Variants in SLC5A4 observed in about 807,000 individuals in gnomAD.
The protein encoded by SLC5A4 is probable glucose sensor protein SLC5A4.
SLC5A4 carries 55 observed loss-of-function variants against 70.3 expected under a neutral mutation model. The ratio of observed to expected loss-of-function variants is 0.78; its 90% CI spans 0.63 to 0.98. SLC5A4 has a LOEUF of 0.98. Among genes scored for constraint, SLC5A4 ranks in the 50% least tolerant of loss-of-function variants. The pLI, the probability that SLC5A4 is intolerant of heterozygous loss-of-function variation, is 0.00. For missense variants in SLC5A4, 735 were observed against 839.2 expected (o/e 0.88, Z 1.53); for synonymous variants, 268 against 305.7 (o/e 0.88, Z 1.29).
the SLC5A4 span, among the ~76,000 whole-genome samples, chr22:32,316,934 CTGTGTGTGTG>C: frequency 2.2e-3 from 324 of 148,730 alleles, 3 homozygotes; most frequent in South Asian, 0.012. Context: ...ATTAACAACT[CTGTGTGTGTG>C]TGTGTGTGTG....
At chr22:32,339,712 C>A in the SLC5A4 span, among the ~76,000 whole-genome samples, 1 of 152,198 alleles carries the variant, frequency 6.6e-6, no homozygotes, top group Admixed American at 6.5e-5. Flanking sequence ...AAAAGACAAA[C>A]CCCGAGAGCA....
the SLC5A4 span, chr22:32,271,970 G>C: frequency 3.3e-6 from 2 of 602,872 alleles, no homozygotes; most frequent in African/African-American, 3.6e-5. Flanking sequence ...AGGCATTTGA[G>C]ACCATTGAGA....
chr22:32,335,740 G>A, the SLC5A4 span, among the ~76,000 whole-genome samples: 1 of 152,200 alleles, frequency 6.6e-6, no homozygotes, highest in Non-Finnish European at 1.5e-5. Context: ...GTAGGTCCCA[G>A]CACACAGGGT....
rs373261572 is a variant in SLC5A4, at chr22:32,241,775, A to ATGTG, written c.478-2689_478-2686dup. ...GAGCAAACAAATTTTACATATATAT[A>ATGTG]TGTGTGTGTGTGTGTGTGTGTGTGT... On this transcript the variant is annotated intron_variant, in intron 5 of 14. Coordinates refer to ENST00000266086, the MANE Select transcript of SLC5A4 (RefSeq NM_014227.3). Among the ~76,000 whole-genome samples the ATGTG allele has an allele frequency of 1.6e-3, 221 of 139,180 alleles. 1 individual carries two copies. Among genetic ancestry groups the ATGTG allele is most frequent in the African/African-American group, 4.7e-3 (162 of 34,642 alleles). The allele number at this position is 139,180 out of a possible 152,430, so 91.3% of individuals were successfully genotyped here. A position where few individuals can be genotyped will look rare whatever the true frequency, so the allele number is the denominator to read the frequency against.
chr22:32,261,035 T>G, the SLC5A4 span, among the ~76,000 whole-genome samples: 2 of 151,496 alleles, frequency 1.3e-5, no homozygotes, highest in Admixed American at 1.3e-4. Context: ...ATCGTGCCAT[T>G]GCACTCCAGC....
At chr22:32,271,923 C>T in the SLC5A4 span, 1 of 577,696 alleles carries the variant, frequency 1.7e-6, no homozygotes, top group Non-Finnish European at 3.3e-6. Flanking sequence ...AGCACCAACA[C>T]ACTGTGCACC....
chr22:32,350,222 A>T, the SLC5A4 span, among the ~76,000 whole-genome samples: 3 of 152,218 alleles, frequency 2.0e-5, no homozygotes, highest in Admixed American at 6.5e-5. Context: ...TACCGAAATA[A>T]TTCAGTCAAC....
chr22:32,318,520 C>T, the SLC5A4 span, among the ~76,000 whole-genome samples: 1 of 152,148 alleles, frequency 6.6e-6, no homozygotes, highest in East Asian at 1.9e-4. Flanking sequence ...ATCTTTGACC[C>T]CTCTTTTCCT....
the SLC5A4 span, among the ~76,000 whole-genome samples, chr22:32,295,392 G>C: frequency 9.1e-6 from 1 of 110,228 alleles, no homozygotes; most frequent in Non-Finnish European, 2.0e-5. Flanking sequence ...TTGTGGTTTT[G>C]ATTTGCATTT....
At chr22:32,239,172 AC>A in intron 5 of SLC5A4, 82 bp from the exon 6 acceptor site, 1 of 977,320 alleles carries the variant, frequency 1.0e-6, no homozygotes, top group East Asian at 2.5e-5. Context: ...ACTCTACTCA[AC>A]CCTTCTTTTT....
intron 2 of SLC5A4, among the ~76,000 whole-genome samples, chr22:32,253,442 G>C (rs1927289194): frequency 6.6e-6 from 1 of 152,210 alleles, no homozygotes. Flanking sequence ...GATGAGAAAG[G>C]GCTGAGGTGA....
In SLC5A4 at chr22:32,218,689, G is replaced by C; in HGVS notation, c.1805C>G (p.Ala602Gly). Reference sequence around the variant, plus strand: ...CTGCAAACCGCAGAACAAGTCATAAGCTTTCTTGAGGCATCCACGTGATTT... The same window carrying C: ...CTGCAAACCGCAGAACAAGTCATAACCTTTCTTGAGGCATCCACGTGATTT... ...PEKSRGCLKKAYDLFCGLQKG... is the reference protein window; with the variant it reads ...PEKSRGCLKKGYDLFCGLQKG... Residue 602 changes from alanine to glycine, a missense_variant, in exon 15 of 15, where the codon GCT becomes GGT. Physicochemically the swap from Ala to Gly is moderately conservative, Grantham distance 60. Coordinates refer to ENST00000266086, the MANE Select transcript of SLC5A4 (RefSeq NM_014227.3). 4 of 1,613,980 alleles carry C rather than the reference G, an allele frequency of 2.5e-6. No individual in the cohort carries two copies. Among genetic ancestry groups the C allele is most frequent in the Non-Finnish European group, 3.4e-6 (4 of 1,180,002 alleles).
the SLC5A4 span, among the ~76,000 whole-genome samples, chr22:32,353,990 A>T: frequency 6.7e-6 from 1 of 149,392 alleles, no homozygotes; most frequent in Non-Finnish European, 1.5e-5. Context: ...GTACAGCCAC[A>T]GATAGCGCAC....
chr22:32,235,071 A>G lies in SLC5A4; in HGVS notation c.687T>C (p.Tyr229=), dbSNP rs1172686544. ...TCACGTACTTCTCGGTAAAGCTCTC[A>G]TAACCTCCAACTTCGTTAAATGCTA... ...MGFAFNEVGG[Y]ESFTEKYVNA... is the part of the protein sequence containing the mutation. The change falls in exon 8 of 15, where the codon TAT becomes TAC. Residue 229 remains tyrosine (Y), a synonymous_variant. Transcript: ENST00000266086. 2 of 1,613,490 alleles carry G rather than the reference A, an allele frequency of 1.2e-6. No homozygotes were observed. The highest frequency in any genetic ancestry group is 1.7e-6 in the Non-Finnish European group (2 of 1,179,700).
the SLC5A4 span, among the ~76,000 whole-genome samples, chr22:32,321,879 C>T: frequency 0.021 from 3,162 of 152,264 alleles, 46 homozygotes; most frequent in Middle Eastern, 0.034. Flanking sequence ...GGTGCAAGAG[C>T]GCCTATGGCA....
chr22:32,314,812 G>A, the SLC5A4 span, among the ~76,000 whole-genome samples: 1 of 151,818 alleles, frequency 6.6e-6, no homozygotes, highest in African/African-American at 2.4e-5. Context: ...ATGGTGGCAG[G>A]CAAAGGGACA....
the SLC5A4 span, among the ~76,000 whole-genome samples, chr22:32,331,808 G>A: frequency 7.9e-5 from 12 of 151,976 alleles, no homozygotes; most frequent in East Asian, 5.8e-4. Flanking sequence ...TGATCCTCTC[G>A]CGGCTTCCAG....
the SLC5A4 span, among the ~76,000 whole-genome samples, chr22:32,275,355 C>T: frequency 6.6e-6 from 1 of 152,132 alleles, no homozygotes; most frequent in Non-Finnish European, 1.5e-5. Flanking sequence ...GGTATATCTC[C>T]TAATGCTATC....
At chr22:32,319,272 G>T in the SLC5A4 span, among the ~76,000 whole-genome samples, 1 of 151,826 alleles carries the variant, frequency 6.6e-6, no homozygotes, top group African/African-American at 2.4e-5. Flanking sequence ...TGGGACTCAG[G>T]CCCTCGACCA....
Sources: gnomAD v4.1 joint callset for allele counts (sites outside exome capture counted in the v4.1 genomes callset) on GRCh38, gnomAD v4.1.1 for gene constraint, MANE v1.5 for transcripts, NCBI Gene and HGNC (gene_info 2026-07-23, HGNC 2026-07-21) for gene names.